Variants in SUFU observed in about 807,000 individuals in gnomAD.
SUFU encodes suppressor of fused homolog.
Under a neutral mutation model 58.9 loss-of-function variants are expected in SUFU, and 7 were observed. The ratio of observed to expected loss-of-function variants is 0.12; its 90% CI spans 0.07 to 0.22. SUFU has a LOEUF of 0.22. SUFU is among the 10% of genes least tolerant of loss of function. The probability of loss-of-function intolerance (pLI) is 1.00; values close to 1 mark genes in which losing one functional copy is unlikely to be tolerated. For synonymous variants in SUFU, 232 were observed against 254.8 expected, an observed-to-expected ratio of 0.91 and a Z score of 0.85; for missense variants, 451 against 641.3, an observed-to-expected ratio of 0.70 and a Z score of 3.20.
In SUFU at chr10:102,591,296, C is replaced by T. The variant is rs554238537; in HGVS notation, c.455-1286C>T. Among the ~76,000 whole-genome samples the T allele has an allele frequency of 3.3e-5, 5 of 152,174 alleles. No homozygotes were observed. In the East Asian group the frequency reaches 5.8e-4, roughly 18 times the overall value. On this transcript the variant is annotated intron_variant, in intron 3 of 11. Transcript: ENST00000369902. Reference sequence around the variant, plus strand: ...AGGGCGGATCACGAGGTCAGGAGATCGAGGCCATCCTGGCTAACACCGTGA... The same window carrying T: ...AGGGCGGATCACGAGGTCAGGAGATTGAGGCCATCCTGGCTAACACCGTGA...
chr10:102,557,926 A>G (rs1240332381), intron 3 of SUFU, among the ~76,000 whole-genome samples: 1 of 150,486 alleles, frequency 6.6e-6, no homozygotes, highest in East Asian at 1.9e-4. Flanking sequence ...TTTGAGACGG[A>G]GTCTTGTTCT....
Position 102,554,874 on chromosome 10 carries a change from G to A in SUFU, c.454+4768G>A, listed in dbSNP as rs184581620. Among the ~76,000 whole-genome samples, 395 of 152,320 alleles carry A rather than the reference G, an allele frequency of 2.6e-3. 1 individual carries two copies. The highest frequency in any genetic ancestry group is 4.3e-3 in the Non-Finnish European group (291 of 68,034). Reference sequence around the variant, plus strand: ...ATAATAGTAACCGCATGAAGTTATCGAGAGGTGAATTAATACCTGTAAAAC... The same window carrying A: ...ATAATAGTAACCGCATGAAGTTATCAAGAGGTGAATTAATACCTGTAAAAC... On this transcript the variant is annotated intron_variant, in intron 3 of 11. Transcript: ENST00000369902.
intron 2 of SUFU, among the ~76,000 whole-genome samples, chr10:102,533,737 C>G (rs1159135565): frequency 6.6e-6 from 1 of 152,188 alleles, no homozygotes; most frequent in Non-Finnish European, 1.5e-5. Context: ...CTGTCTCTTT[C>G]ATTAAGGATT....
chr10:102,504,466 C>A, intron 1 of SUFU, 132 bp downstream of exon 1: 5 of 1,505,452 alleles, frequency 3.3e-6, no homozygotes, highest in Non-Finnish European at 4.5e-6. Flanking sequence ...GGGCTTCTTG[C>A]TGCGAGGGAA....
intron 3 of SUFU, among the ~76,000 whole-genome samples, chr10:102,588,306 C>T (rs995654567): frequency 1.3e-5 from 2 of 150,570 alleles, no homozygotes; most frequent in Admixed American, 6.6e-5. Context: ...GGCAGGAGAA[C>T]GGCGTGAACC....
intron 5 of SUFU, 44 bp downstream of exon 5, chr10:102,593,765 G>A (rs747723672): frequency 1.7e-5 from 27 of 1,594,626 alleles, no homozygotes; most frequent in Non-Finnish European, 2.3e-5. Flanking sequence ...CTGGGCCTGG[G>A]GGTGGGAGTC....
At chr10:102,581,035 C>T (rs764970872) in intron 3 of SUFU, among the ~76,000 whole-genome samples, 2 of 151,802 alleles carry the variant, frequency 1.3e-5, no homozygotes, top group African/African-American at 4.8e-5. Context: ...CAAAAATTAG[C>T]TGGGCATGGT....
chr10:102,532,981 TGAA>T (rs2062693020), intron 2 of SUFU, among the ~76,000 whole-genome samples: 1 of 151,468 alleles, frequency 6.6e-6, no homozygotes, highest in Non-Finnish European at 1.5e-5. Flanking sequence ...GCCACCCAAG[TGAA>T]GGATGCAGAA....
At chr10:102,588,123 G>T (rs986759298) in intron 3 of SUFU, among the ~76,000 whole-genome samples, 5 of 152,096 alleles carry the variant, frequency 3.3e-5, no homozygotes, top group Admixed American at 2.6e-4. Context: ...CAGGCTGGGC[G>T]CAGTGGCTCA....
Position 102,590,153 on chromosome 10 carries a change from C to CTTTTT in SUFU, c.455-2427_455-2423dup, listed in dbSNP as rs71474569. Among the ~76,000 whole-genome samples, 36 of 73,860 alleles carry CTTTTT rather than the reference C, an allele frequency of 4.9e-4. 4 individuals carry two copies. The highest frequency in any genetic ancestry group is 6.6e-4 in the African/African-American group (12 of 18,252). The allele number at this position is 73,860 out of a possible 152,430, so 48.5% of individuals were successfully genotyped here. ...CCCCCGACTTTTTCTTTTTTTTTTTCTTTTTTCTTTTTTTTTTTTTTTTGA... is the reference window on the plus strand; with the variant it reads ...CCCCCGACTTTTTCTTTTTTTTTTTCTTTTTTTTTTTCTTTTTTTTTTTTTTTTGA... On this transcript the variant is annotated intron_variant, in intron 3 of 11. Transcript: ENST00000369902.
chr10:102,519,108 C>G (rs1429106014), intron 2 of SUFU, among the ~76,000 whole-genome samples: 3 of 139,172 alleles, frequency 2.2e-5, no homozygotes, highest in Non-Finnish European at 4.6e-5. Flanking sequence ...CCACTGCACT[C>G]CAGCCTGGGA....
At chr10:102,513,879 A>G (rs1235586400) in intron 2 of SUFU, among the ~76,000 whole-genome samples, 9 of 152,068 alleles carry the variant, frequency 5.9e-5, no homozygotes, top group Admixed American at 2.0e-4. Flanking sequence ...TTAAACTGAT[A>G]TGAATTTATT....
At chr10:102,613,147 C>T (rs1038809015) in intron 8 of SUFU, among the ~76,000 whole-genome samples, 2 of 152,180 alleles carry the variant, frequency 1.3e-5, no homozygotes, top group Non-Finnish European at 2.9e-5. Context: ...AGGGGGGACG[C>T]GTCACCCACT....
chr10:102,625,686 C>T lies in SUFU; in HGVS notation c.1297-1489C>T, dbSNP rs541811369. Among the ~76,000 whole-genome samples the T allele has an allele frequency of 1.4e-4, 21 of 152,318 alleles. No homozygotes were observed. Among genetic ancestry groups the T allele is most frequent in the African/African-American group, 4.8e-4 (20 of 41,578 alleles). ...CATAACCTGCCTGTGCCTGTTTCCT[C>T]CACTGTAAGGAGACATGGAGATGAG... On this transcript the variant is annotated intron_variant, in intron 10 of 11. Transcript: ENST00000369902. This position sits in a 1 kb window ranked among gnomAD's most constrained non-coding sequence, Gnocchi z 4.7.
At chr10:102,621,187 ACCT>A (rs1191026315) in intron 10 of SUFU, among the ~76,000 whole-genome samples, 1 of 152,084 alleles carries the variant, frequency 6.6e-6, no homozygotes, top group Non-Finnish European at 1.5e-5. Flanking sequence ...TGCCCTGGGC[ACCT>A]CCTCTTTGGT....
intron 2 of SUFU, among the ~76,000 whole-genome samples, chr10:102,513,387 G>T (rs2135635461): frequency 6.6e-6 from 1 of 152,312 alleles, no homozygotes; most frequent in South Asian, 2.1e-4. Context: ...AGCAAAAAAG[G>T]AGCAGAAGCA....
At chr10:102,577,351 C>CT (rs992600336) in intron 3 of SUFU, among the ~76,000 whole-genome samples, 13 of 150,126 alleles carry the variant, frequency 8.7e-5, no homozygotes, top group African/African-American at 2.0e-4. Flanking sequence ...TTTCTTGTTT[C>CT]TTTTTTTTTG....
chr10:102,569,450 C>T (rs2063139037), intron 3 of SUFU, among the ~76,000 whole-genome samples: 2 of 152,202 alleles, frequency 1.3e-5, no homozygotes, highest in Admixed American at 1.3e-4. Flanking sequence ...GCTACTCAGA[C>T]TCTGTGGCTC....
intron 2 of SUFU, 95 bp from the exon 3 acceptor site, chr10:102,549,875 A>G: frequency 6.7e-7 from 1 of 1,501,516 alleles, no homozygotes; most frequent in Admixed American, 1.7e-5. Flanking sequence ...TTGGATACTG[A>G]GGCCACCATA....
Sources: gnomAD v4.1 joint callset for allele counts (sites outside exome capture counted in the v4.1 genomes callset) on GRCh38, gnomAD v4.1.1 for gene constraint, Gnocchi (gnomAD v3.1) non-coding constraint, MANE v1.5 for transcripts, NCBI Gene and HGNC (gene_info 2026-07-23, HGNC 2026-07-21) for gene names.